MADD: variants seen among roughly 807,000 people sequenced by gnomAD.
MADD encodes the protein MAP kinase-activating death domain protein.
In MADD, 109 loss-of-function variants were observed where a neutral mutation model predicts 176.7. That is an observed-to-expected ratio of 0.62 (90% confidence interval 0.53 to 0.72). The LOEUF (loss-of-function observed/expected upper bound fraction) is 0.72, where lower values mean the gene tolerates loss of function less well. MADD is among the 30% of genes least tolerant of loss of function. The probability of loss-of-function intolerance (pLI) is 0.00; values close to 1 mark genes in which losing one functional copy is unlikely to be tolerated. For missense variants in MADD, 1,914 were observed against 2,045.5 expected, an observed-to-expected ratio of 0.94 and a Z score of 1.24; for synonymous variants, 771 against 771.3, an observed-to-expected ratio of 1.00 and a Z score of 0.01.
chr11:47,311,789 G>A (rs2089510682), exon 26 of MADD: 2 of 1,614,006 alleles, frequency 1.2e-6, no homozygotes, highest in Non-Finnish European at 1.7e-6. Context: ...GTCGCACATT[G>A]GGCTTGTGTA....
At chr11:47,293,258 T>C (rs1169532455) in intron 19 of MADD, among the ~76,000 whole-genome samples, 1 of 152,034 alleles carries the variant, frequency 6.6e-6, no homozygotes, top group African/African-American at 2.4e-5. Context: ...GCTCAGACTC[T>C]TGAGTGCCAT....
At chr11:47,279,448 G>T (rs11039160) in intron 7 of MADD, among the ~76,000 whole-genome samples, 4,847 of 146,398 alleles carry the variant, frequency 0.033, 107 homozygotes, top group South Asian at 0.12. Context: ...GCAGTGGCGC[G>T]ATCTCGGCTC....
Position 47,285,029 on chromosome 11 carries a change from C to G in MADD, c.2246C>G (p.Ser749Trp), listed in dbSNP as rs960565635. Reference sequence around the variant, plus strand: ...TCCGTGCCTCCCAGCATTGGCAAATCGAACGTGGACAGACGTCAGGCAGAA... The same window carrying G: ...TCCGTGCCTCCCAGCATTGGCAAATGGAACGTGGACAGACGTCAGGCAGAA... Residue 749 changes from serine to tryptophan, a missense_variant, in exon 13 of 33, where the codon TCG (serine) becomes TGG (tryptophan). Physicochemically the swap from Ser to Trp is radical, Grantham distance 177. Transcript: ENST00000402192. 3 of 1,613,992 alleles carry G rather than the reference C, an allele frequency of 1.9e-6. No homozygotes were observed. The African/African-American group carries it at 4.0e-5, about 22-fold the overall frequency.
intron 22 of MADD, among the ~76,000 whole-genome samples, chr11:47,296,288 G>A (rs903622608): frequency 2.6e-5 from 4 of 152,106 alleles, no homozygotes; most frequent in African/African-American, 7.2e-5. Flanking sequence ...GTTAGGCTCC[G>A]TGCCCAGTCA....
At position 47,286,445 on chromosome 11, in the gene MADD, G is replaced by A. The variant is rs146550074; in HGVS notation, c.2564G>A (p.Arg855Gln). The A allele has an allele frequency of 4.7e-4, 766 of 1,613,856 alleles. No homozygotes were observed. The highest frequency in any genetic ancestry group is 6.2e-4 in the Non-Finnish European group (730 of 1,179,808). Residue 855 changes from arginine (R) to glutamine (Q), a missense_variant, in exon 15 of 33, where the codon CGG (arginine) becomes CAG (glutamine). Arg to Gln is a conservative substitution (Grantham distance 43). Coordinates refer to ENST00000402192, the Ensembl canonical transcript of MADD. ...CTCCCCTTGATAGGCAGCCTCTATC[G>A]GAACCACAGTACCAGCTTCAGTCTT...
At chr11:47,302,215 G>GT (rs974176906) in intron 22 of MADD, among the ~76,000 whole-genome samples, 11 of 151,696 alleles carry the variant, frequency 7.3e-5, no homozygotes, top group East Asian at 1.9e-4. Context: ...CTCTTTTTAG[G>GT]TTTTTTTTGT....
chr11:47,328,555 G>A, intron 31 of MADD, 103 bp from the exon 36 acceptor site: 7 of 1,567,986 alleles, frequency 4.5e-6, no homozygotes, highest in Non-Finnish European at 5.2e-6. Flanking sequence ...AGGCCACAGA[G>A]GGGAAGGGGA....
intron 26 of MADD, among the ~76,000 whole-genome samples, chr11:47,314,043 C>G (rs973395993): frequency 3.3e-5 from 5 of 151,914 alleles, no homozygotes; most frequent in Admixed American, 3.3e-4. Flanking sequence ...CAGGTGTGAG[C>G]CACCGCGCCC....
chr11:47,301,149 G>A (rs1413147940), intron 22 of MADD, among the ~76,000 whole-genome samples: 2 of 150,854 alleles, frequency 1.3e-5, no homozygotes, highest in African/African-American at 2.4e-5. Flanking sequence ...TTTTGCTCTT[G>A]TTGCCCAGGC....
intron 27 of MADD, among the ~76,000 whole-genome samples, chr11:47,319,115 AT>A (rs2093863152): frequency 1.8e-5 from 2 of 113,362 alleles, no homozygotes; most frequent in Admixed American, 8.7e-5. Flanking sequence ...GCCAAGGAAA[AT>A]ATATATATAT....
At chr11:47,277,199 A>G (rs994159296) in intron 5 of MADD, among the ~76,000 whole-genome samples, 6 of 152,218 alleles carry the variant, frequency 3.9e-5, no homozygotes, top group African/African-American at 1.4e-4. Context: ...CAAACTCTAT[A>G]GATACTTTGT....
At chr11:47,296,106 A>C (rs746110367) in intron 22 of MADD, 51 bp downstream of exon 24, 4 of 1,586,720 alleles carry the variant, frequency 2.5e-6, no homozygotes, top group Non-Finnish European at 3.4e-6. Context: ...TGGGGGAGGG[A>C]AGCAGGCAAG....
chr11:47,271,431 A>G (rs543252630), intron 1 of MADD, among the ~76,000 whole-genome samples: 1 of 152,338 alleles, frequency 6.6e-6, no homozygotes, highest in African/African-American at 2.4e-5. Flanking sequence ...ACCCGTAGCT[A>G]GAATAATAAC....
At position 47,325,816 on chromosome 11, in the gene MADD, A is replaced by G. The variant is rs1282271346; in HGVS notation, c.4543-922A>G. 6.6e-6 allele frequency among the ~76,000 whole-genome samples: 1 copy of G among 152,254 alleles called. No homozygotes were observed. Among genetic ancestry groups the G allele is most frequent in the East Asian group, 1.9e-4 (1 of 5,206 alleles). On this transcript the variant is annotated intron_variant, in intron 30 of 32. Transcript: ENST00000402192. This position sits in a 1 kb window ranked among gnomAD's most constrained non-coding sequence, Gnocchi z 4.5. ...CCCTGTTCCTCGTCCTGCCCTTGGC[A>G]TAGCCCCACTGGGCAGCCATCCAAG... is the stretch of plus-strand genomic sequence containing the variant.
Position 47,278,206 on chromosome 11 carries a change from CA to C in MADD, c.1138del (p.Ser380AlafsTer17), listed in dbSNP as rs1429117469. 1.2e-6 allele frequency: 2 copies of C among 1,614,122 alleles called. No individual in the cohort carries two copies. Among genetic ancestry groups the C allele is most frequent in the Admixed American group, 3.3e-5 (2 of 60,022 alleles). On this transcript the variant is annotated frameshift_variant, in exon 6 of 33. Transcript: ENST00000402192. LOFTEE classifies it high-confidence loss of function. ...CCCCGTACATCATTGGGGTTCCTGCCAGCTTCTTCCTCTACAAACTGGACTT... is the reference window on the plus strand; with the variant it reads ...CCCCGTACATCATTGGGGTTCCTGCCGCTTCTTCCTCTACAAACTGGACTT...
chr11:47,316,803 G>A (rs2093185639), intron 27 of MADD, among the ~76,000 whole-genome samples: 1 of 151,846 alleles, frequency 6.6e-6, no homozygotes, highest in African/African-American at 2.4e-5. Context: ...GAGTGCAGTG[G>A]TCCAAACTCA....
At chr11:47,276,928 C>G (rs2050481237) in intron 5 of MADD, 65 bp downstream of exon 5, 1 of 1,577,734 alleles carries the variant, frequency 6.3e-7, no homozygotes, top group African/African-American at 1.3e-5. Context: ...GCTTAATGCT[C>G]AAAGAAGTTG....
At chr11:47,304,199 A>C (rs1427975763) in intron 22 of MADD, among the ~76,000 whole-genome samples, 1 of 150,416 alleles carries the variant, frequency 6.6e-6, no homozygotes, top group Non-Finnish European at 1.5e-5. Context: ...TGCTTGATCA[A>C]GTCTGCTGTT....
chr11:47,281,268 A>AT (rs1253691734), intron 7 of MADD, among the ~76,000 whole-genome samples: 1 of 152,236 alleles, frequency 6.6e-6, no homozygotes, highest in African/African-American at 2.4e-5. Flanking sequence ...GACTATAATA[A>AT]TTTTGCAAAC....
Sources: gnomAD v4.1 joint callset for allele counts (sites outside exome capture counted in the v4.1 genomes callset) on GRCh38, gnomAD v4.1.1 for gene constraint, Gnocchi (gnomAD v3.1) non-coding constraint, MANE v1.5 for transcripts, NCBI Gene and HGNC (gene_info 2026-07-23, HGNC 2026-07-21) for gene names.